Variants in MDN1 observed in about 807,000 individuals in gnomAD.
MDN1 encodes midasin AAA ATPase 1, also known as midasin.
Under a neutral mutation model 669.2 loss-of-function variants are expected in MDN1, and 266 were observed. The ratio of observed to expected loss-of-function variants is 0.40; its 90% CI spans 0.36 to 0.44. The LOEUF is 0.44. MDN1 is among the 20% of genes least tolerant of loss of function. MDN1 has a pLI of 1.00. For synonymous variants in MDN1, 2,385 were observed against 2,457.1 expected (o/e 0.97, Z 0.87); for missense variants, 5,940 against 6,754.0 (o/e 0.88, Z 4.22).
chr6:89,644,109 A>C lies in MDN1; in HGVS notation c.16687T>G (p.Phe5563Val). Residue 5563 changes from phenylalanine (F) to valine (V), a missense_variant, in exon 102 of 102, where the codon TTC (phenylalanine) becomes GTC (valine). Physicochemically the swap from Phe to Val is conservative, Grantham distance 50. Coordinates refer to ENST00000369393, the MANE Select transcript of MDN1 (RefSeq NM_014611.3). ...TCTCGAAGAATGATATAGTATGGGA[A>C]TGGGAACTCTTCCATGTAGGATCGG... The part of the protein sequence containing the change: ...EIRSYMEEFP[F>V]PYYIILRDVN... 6.2e-7 allele frequency: 1 copy of C among 1,614,072 alleles called. No individual in the cohort carries two copies. Among genetic ancestry groups the C allele is most frequent in the East Asian group, 2.2e-5 (1 of 44,872 alleles).
At chr6:89,731,280 A>T (rs1380479705) in intron 34 of MDN1, among the ~76,000 whole-genome samples, 1 of 152,218 alleles carries the variant, frequency 6.6e-6, no homozygotes, top group Non-Finnish European at 1.5e-5. Context: ...TAAAATATTC[A>T]GGCCCATTAT....
chr6:89,701,726 G>C, intron 54 of MDN1, 48 bp from the exon 55 acceptor site: 1 of 1,587,688 alleles, frequency 6.3e-7, no homozygotes, highest in Non-Finnish European at 8.6e-7. Flanking sequence ...AGGGGGAAAT[G>C]CTAGACAGTA....
intron 6 of MDN1, 117 bp from the exon 7 acceptor site, chr6:89,790,028 T>A: frequency 6.3e-7 from 1 of 1,580,696 alleles, no homozygotes; most frequent in South Asian, 1.1e-5. Context: ...CACTTGAGGT[T>A]TACATAGGTT....
chr6:89,766,832 T>C (rs1029685352), intron 15 of MDN1, among the ~76,000 whole-genome samples: 9 of 152,246 alleles, frequency 5.9e-5, no homozygotes. Flanking sequence ...CTGGGCAGTT[T>C]CTTTTAAAGA....
intron 10 of MDN1, among the ~76,000 whole-genome samples, chr6:89,780,777 A>G (rs2128324438): frequency 6.7e-6 from 1 of 149,548 alleles, no homozygotes; most frequent in Admixed American, 6.8e-5. Flanking sequence ...AGTAGCTGGG[A>G]TTACAGGCAC....
intron 85 of MDN1, among the ~76,000 whole-genome samples, chr6:89,663,790 G>A (rs1809981385): frequency 6.6e-6 from 1 of 150,720 alleles, no homozygotes; most frequent in East Asian, 2.0e-4. Context: ...AAAAAAAAAA[G>A]AATCAGCTGG....
chr6:89,678,472 C>A lies in MDN1; in HGVS notation c.12412+127G>T, dbSNP rs1455299120. ...AGTGGAACTCTTAGACATCTGGAAACCTTGCCTGTACCTTCTGTTGTCCAC... is the reference window on the plus strand; with the variant it reads ...AGTGGAACTCTTAGACATCTGGAAAACTTGCCTGTACCTTCTGTTGTCCAC... On this transcript the variant is annotated intron_variant, in intron 75 of 101. Coordinates refer to ENST00000369393, the MANE Select transcript of MDN1 (RefSeq NM_014611.3). The A allele has an allele frequency of 2.8e-6, 3 of 1,072,948 alleles. No individual in the cohort carries two copies. The African/African-American group carries it at 4.8e-5, about 17-fold the overall frequency. The allele number at this position is 1,072,948 out of a possible 1,614,324, so 66.5% of individuals were successfully genotyped here.
intron 1 of MDN1, among the ~76,000 whole-genome samples, chr6:89,816,673 CTTTTTTTTTT>C (rs538796145): frequency 1.4e-5 from 2 of 138,074 alleles, no homozygotes; most frequent in African/African-American, 5.4e-5. Flanking sequence ...ACACCCCTAT[CTTTTTTTTTT>C]TTTTTTTTTG....
Position 89,678,955 on chromosome 6 carries a change from A to G in MDN1, c.12266-210T>C, listed in dbSNP as rs1448021474. 2.6e-5 allele frequency among the ~76,000 whole-genome samples: 4 copies of G among 152,336 alleles called. No individual in the cohort carries two copies. In the East Asian group the frequency reaches 7.7e-4, roughly 29 times the overall value. Reference sequence around the variant, plus strand: ...ACTGGTCAAGGTGCATGGAAATAGAAAAATAACACACAGGATTTCAAATCT... The same window carrying G: ...ACTGGTCAAGGTGCATGGAAATAGAGAAATAACACACAGGATTTCAAATCT... On this transcript the variant is annotated intron_variant, in intron 74 of 101. Coordinates refer to ENST00000369393, the MANE Select transcript of MDN1 (RefSeq NM_014611.3).
At chr6:89,648,983 T>C (rs1448799585) in intron 97 of MDN1, among the ~76,000 whole-genome samples, 1 of 138,670 alleles carries the variant, frequency 7.2e-6, no homozygotes, top group African/African-American at 2.5e-5. Flanking sequence ...AGCAAGACCC[T>C]GTCTTTAAAA....
chr6:89,729,703 A>T (rs1318822221), intron 35 of MDN1, among the ~76,000 whole-genome samples: 6 of 97,466 alleles, frequency 6.2e-5, no homozygotes, highest in Admixed American at 1.4e-4. Flanking sequence ...TTTTTTGTAC[A>T]CCAGTTTGAA....
intron 100 of MDN1, among the ~76,000 whole-genome samples, 157 bp from the exon 101 acceptor site, chr6:89,645,314 G>C (rs1422357992): frequency 1.3e-5 from 2 of 152,094 alleles, no homozygotes; most frequent in Non-Finnish European, 2.9e-5. Context: ...CAAACCTAAG[G>C]GACCTCTGAT....
At chr6:89,757,681 C>T (rs1341565225) in intron 19 of MDN1, among the ~76,000 whole-genome samples, 1 of 152,144 alleles carries the variant, frequency 6.6e-6, no homozygotes, top group African/African-American at 2.4e-5. Flanking sequence ...GAGGTCGAGG[C>T]AGGCAGATCT....
intron 5 of MDN1, 35 bp from the exon 6 acceptor site, chr6:89,790,436 GTTC>G: frequency 6.2e-7 from 1 of 1,612,116 alleles, no homozygotes; most frequent in Non-Finnish European, 8.5e-7. Flanking sequence ...GTCAAGAAGA[GTTC>G]TTCCCCCAAG....
intron 19 of MDN1, among the ~76,000 whole-genome samples, chr6:89,756,689 G>A (rs372539202): frequency 8.5e-5 from 13 of 152,284 alleles, no homozygotes; most frequent in South Asian, 2.1e-4. Context: ...TTGGGAGGCC[G>A]AGGCCGGTGG....
At chr6:89,775,400 C>T (rs1818304306) in intron 12 of MDN1, among the ~76,000 whole-genome samples, 1 of 152,124 alleles carries the variant, frequency 6.6e-6, no homozygotes, top group Non-Finnish European at 1.5e-5. Context: ...CAGCCAAAAC[C>T]ATCCCAACTA....
intron 100 of MDN1, 63 bp downstream of exon 100, chr6:89,646,476 GC>G: frequency 7.2e-7 from 1 of 1,394,874 alleles, no homozygotes; most frequent in Non-Finnish European, 1.0e-6. Flanking sequence ...GCTGAAGCAA[GC>G]AGCTTGGGAA....
chr6:89,803,263 C>T lies in MDN1; in HGVS notation c.329+65G>A. On this transcript the variant is annotated intron_variant, in intron 2 of 101. Transcript: ENST00000369393. ...TACCTTCTCAGCTCAGACTCCCTTACATCCCAGGAGACAGCAGGTTCTATC... is the reference window on the plus strand; with the variant it reads ...TACCTTCTCAGCTCAGACTCCCTTATATCCCAGGAGACAGCAGGTTCTATC... The T allele has an allele frequency of 4.4e-6, 6 of 1,376,688 alleles. No individual in the cohort carries two copies. In the South Asian group the frequency reaches 7.0e-5, roughly 16 times the overall value. 85.3% of individuals were successfully genotyped at this position (1,376,688 alleles called of 1,614,324 possible).
intron 1 of MDN1, among the ~76,000 whole-genome samples, chr6:89,810,920 C>T (rs1562243775): frequency 6.6e-6 from 1 of 152,084 alleles, no homozygotes; most frequent in African/African-American, 2.4e-5. Context: ...ACCAAAGAGG[C>T]GGAGGTTGCA....
Sources: allele counts gnomAD v4.1 joint callset (sites outside exome capture counted in the v4.1 genomes callset), GRCh38; gene constraint gnomAD v4.1.1; transcripts MANE v1.5; gene names NCBI Gene and HGNC (gene_info 2026-07-23, HGNC 2026-07-21).